NBPF15: variants seen among roughly 807,000 people sequenced by gnomAD.
NBPF15 encodes NBPF member 15, also known as NBPF family member NBPF15.
Under a neutral mutation model 62.2 loss-of-function variants are expected in NBPF15, and 74 were observed. The ratio of observed to expected loss-of-function variants is 1.19; its 90% CI spans 0.99 to 1.44. The LOEUF is 1.44. NBPF15 is among the 40% of genes most tolerant of loss of function. The pLI, the probability that NBPF15 is intolerant of heterozygous loss-of-function variation, is 0.00. For synonymous variants in NBPF15, 244 were observed against 209.7 expected (o/e 1.16, Z -1.41); for missense variants, 790 against 550.0 (o/e 1.44, Z -4.36).
At chr1:144,434,641 A>G (rs1417573140) in intron 12 of NBPF15, among the ~76,000 whole-genome samples, 4 of 151,216 alleles carry the variant, frequency 2.6e-5, no homozygotes, top group Non-Finnish European at 5.9e-5. Flanking sequence ...TTCCGTCCTG[A>G]TTTCAGGGTG....
intron 6 of NBPF15, among the ~76,000 whole-genome samples, chr1:144,441,247 G>A (rs1300188402): frequency 6.6e-6 from 1 of 151,196 alleles, no homozygotes; most frequent in Admixed American, 6.6e-5. Context: ...AGAAAATGTT[G>A]GACAGAGTTT....
chr1:144,429,138 A>T (rs1386422960), intron 14 of NBPF15, among the ~76,000 whole-genome samples: 1 of 151,748 alleles, frequency 6.6e-6, no homozygotes, highest in African/African-American at 2.4e-5. Flanking sequence ...TTGTGGGTGA[A>T]AAGTCAGCCG....
Position 144,428,026 on chromosome 1 carries a change from G to A in NBPF15, c.1041-36C>T, listed in dbSNP as rs1182052166. On this transcript the variant is annotated intron_variant, in intron 15 of 21. Coordinates refer to ENST00000581897, the MANE Select transcript of NBPF15 (RefSeq NM_001385408.1). ...GGGAAAAAGTAAAGAATAAGCCAGG[G>A]GGAATCAGAAACCACACAGTCCCAG... 5.6e-4 allele frequency: 431 copies of A among 767,994 alleles called. 3 individuals carry two copies. In the African/African-American group the frequency reaches 6.5e-3, roughly 11 times the overall value. The allele number at this position is 767,994 out of a possible 1,614,324, so 47.6% of individuals were successfully genotyped here.
At chr1:144,433,091 T>C (rs28871594) in intron 13 of NBPF15, among the ~76,000 whole-genome samples, 1 of 151,910 alleles carries the variant, frequency 6.6e-6, no homozygotes, top group Non-Finnish European at 1.5e-5. Context: ...AGAATGGAAA[T>C]CACAACAAAC....
In NBPF15 at chr1:144,423,021, G is replaced by A. The variant is rs782651366; in HGVS notation, c.2005C>T (p.Pro669Ser). 14 of 1,611,342 alleles carry A rather than the reference G, an allele frequency of 8.7e-6. 1 individual carries two copies. Among genetic ancestry groups the A allele is most frequent in the Middle Eastern group, 4.5e-4 (2 of 4,452 alleles). ...GGCTTAGTAAGAGCTGCTTATTGTG[G>A]GAATATGACTCCCATCTGGAACACC... ...HLVFQMGVIF[P>S]Q is the part of the protein sequence containing the mutation. The change falls in exon 22 of 22, where the codon CCA becomes TCA. Residue 669 changes from proline (P) to serine (S), a missense_variant. Coordinates refer to ENST00000581897, the MANE Select transcript of NBPF15 (RefSeq NM_001385408.1).
At chr1:144,426,555 G>T (rs1669796570) in intron 17 of NBPF15, 105 bp from the exon 18 acceptor site, 2 of 734,360 alleles carry the variant, frequency 2.7e-6, no homozygotes, top group Non-Finnish European at 5.1e-6. Context: ...AAAAGAAAAA[G>T]GACGGATCCA....
chr1:144,426,862 T>G (rs1398917664), intron 17 of NBPF15, among the ~76,000 whole-genome samples, 185 bp downstream of exon 17: 2 of 148,088 alleles, frequency 1.4e-5, no homozygotes, highest in African/African-American at 5.0e-5. Flanking sequence ...AGTAAGTTAG[T>G]AAATGATAAG....
intron 10 of NBPF15, among the ~76,000 whole-genome samples, chr1:144,436,425 AG>A (rs1256577040): frequency 5.3e-5 from 8 of 151,818 alleles, no homozygotes; most frequent in Non-Finnish European, 8.8e-5. Flanking sequence ...TTTGGAAAGC[AG>A]TTGTAAGTGT....
intron 3 of NBPF15, among the ~76,000 whole-genome samples, chr1:144,457,992 T>G (rs1553547498): frequency 1.3e-5 from 2 of 151,454 alleles, no homozygotes; most frequent in Non-Finnish European, 2.9e-5. Context: ...GAAGCTGAGG[T>G]GGGCAGACTG....
chr1:144,431,426 C>G (rs1412266588), intron 13 of NBPF15, among the ~76,000 whole-genome samples: 76 of 149,392 alleles, frequency 5.1e-4, no homozygotes, highest in African/African-American at 1.9e-3. Context: ...ATTCAACATT[C>G]TTTTTTTTTC....
At chr1:144,458,938 G>C (rs1373163414) in intron 3 of NBPF15, among the ~76,000 whole-genome samples, 1 of 151,652 alleles carries the variant, frequency 6.6e-6, no homozygotes, top group Non-Finnish European at 1.5e-5. Context: ...CTACTCAGGA[G>C]GCTGAGGTGG....
chr1:144,426,574 G>T, intron 17 of NBPF15, 124 bp from the exon 18 acceptor site: 1 of 716,002 alleles, frequency 1.4e-6, no homozygotes, highest in Non-Finnish European at 2.6e-6. Flanking sequence ...CATTAATGAG[G>T]TAATGAATTA....
chr1:144,429,295 A>G (rs1191550369), intron 14 of NBPF15, among the ~76,000 whole-genome samples: 2 of 149,380 alleles, frequency 1.3e-5, no homozygotes, highest in South Asian at 4.2e-4. Flanking sequence ...GGCCTTGGGC[A>G]GGTAAAGAAC....
chr1:144,455,210 A>G (rs1693711602), intron 4 of NBPF15, among the ~76,000 whole-genome samples: 1 of 148,248 alleles, frequency 6.7e-6, no homozygotes, highest in Non-Finnish European at 1.5e-5. Flanking sequence ...GGAAGGCAGA[A>G]GGGAAGGAGG....
intron 8 of NBPF15, among the ~76,000 whole-genome samples, chr1:144,439,228 C>T (rs1285438908): frequency 1.3e-4 from 19 of 151,834 alleles, no homozygotes; most frequent in Admixed American, 3.3e-4. Context: ...ATGATCTGCC[C>T]GCCTCAGCCT....
At position 144,442,172 on chromosome 1, in the gene NBPF15, ATAT is replaced by A. The variant is rs1259810206; in HGVS notation, c.-190-1880_-190-1878del. On this transcript the variant is annotated intron_variant, in intron 6 of 21. Coordinates refer to ENST00000581897, the MANE Select transcript of NBPF15 (RefSeq NM_001385408.1). ...AATATATATACACGTGTATATATAT[ATAT>A]ATATAATATATATACACGTGTATAT... Among the ~76,000 whole-genome samples, 12 of 110,362 alleles carry A rather than the reference ATAT, an allele frequency of 1.1e-4. 1 individual carries two copies. The highest frequency in any genetic ancestry group is 7.0e-4 in the East Asian group (3 of 4,272). The allele number at this position is 110,362 out of a possible 152,430, so 72.4% of individuals were successfully genotyped here.
Position 144,436,859 on chromosome 1 carries a change from G to C in NBPF15, c.493+36C>G. ...GAGGTCTGGAGTCTCTCATAAGCCT[G>C]GGATTTTGGGTCATCAGGGCCTATG... On this transcript the variant is annotated intron_variant, in intron 10 of 21. Transcript: ENST00000581897. The C allele has an allele frequency of 4.4e-6, 7 of 1,607,886 alleles. No homozygotes were observed. In the South Asian group the frequency reaches 7.7e-5, roughly 18 times the overall value.
chr1:144,426,546 A>G (rs1417677840), intron 17 of NBPF15, 96 bp from the exon 18 acceptor site: 10 of 745,520 alleles, frequency 1.3e-5, no homozygotes, highest in Non-Finnish European at 2.2e-5. Flanking sequence ...AACTGTTTAA[A>G]AAGAAAAAGG....
At chr1:144,430,653 C>T in intron 13 of NBPF15, among the ~76,000 whole-genome samples, 1 of 150,134 alleles carries the variant, frequency 6.7e-6, no homozygotes. Context: ...TTCCAAAAAC[C>T]TGACATCCCT....
Sources: gnomAD v4.1 joint callset for allele counts (sites outside exome capture counted in the v4.1 genomes callset) on GRCh38, gnomAD v4.1.1 for gene constraint, MANE v1.5 for transcripts, NCBI Gene and HGNC (gene_info 2026-07-23, HGNC 2026-07-21) for gene names.